Variants in PRDX1 observed in about 807,000 individuals in gnomAD.
PRDX1 encodes peroxiredoxin 1.
Under a neutral mutation model 20.7 loss-of-function variants are expected in PRDX1, and 19 were observed. The ratio of observed to expected loss-of-function variants is 0.92; its 90% CI spans 0.64 to 1.35. The LOEUF is 1.35. Among genes scored for constraint, PRDX1 ranks in the 40% most tolerant of loss-of-function variants. The probability of loss-of-function intolerance (pLI) is 0.00; values close to 1 mark genes in which losing one functional copy is unlikely to be tolerated. For synonymous variants in PRDX1, 89 were observed against 83.9 expected, an observed-to-expected ratio of 1.06 and a Z score of -0.33; for missense variants, 226 against 240.0, an observed-to-expected ratio of 0.94 and a Z score of 0.38.
At chr1:45,514,111 GCAATA>G (rs1643811929) in intron 5 of PRDX1, among the ~76,000 whole-genome samples, 1 of 152,184 alleles carries the variant, frequency 6.6e-6, no homozygotes, top group African/African-American at 2.4e-5. Flanking sequence ...CATGCGGGCA[GCAATA>G]CTGCTCTTTA....
chr1:45,516,462 A>G (rs1458577098), intron 2 of PRDX1, among the ~76,000 whole-genome samples: 1 of 152,182 alleles, frequency 6.6e-6, no homozygotes, highest in Non-Finnish European at 1.5e-5. Context: ...TCTCAAAACA[A>G]CAGAAATATA....
rs1318865639 is a variant in PRDX1, at chr1:45,512,228, G to A, written c.515-814C>T. 4 of 150,856 alleles carry A rather than the reference G, an allele frequency of 2.7e-5. No individual in the cohort carries two copies. The East Asian group carries it at 7.9e-4, about 30-fold the overall frequency. The allele number at this position is 150,856 out of a possible 1,614,324, so 9.3% of individuals were successfully genotyped here. A position where few individuals can be genotyped will look rare whatever the true frequency, so the allele number is the denominator to read the frequency against. On this transcript the variant is annotated intron_variant, in intron 5 of 5. Transcript: ENST00000319248. ...AGCCTCCCAAATAGCTAGGATTACA[G>A]GCGCCCACCACCACACCTGGCTAAT... is the stretch of plus-strand genomic sequence containing the variant.
Position 45,511,276 on chromosome 1 carries a change from G to C in PRDX1, c.*53C>G. ...TAATGGAAAAAAAAAATACAGAAGA[G>C]GTTTTGTTCTCATGGCTGCCCACCG... On this transcript the variant is annotated 3_prime_UTR_variant, in exon 6 of 6. Transcript: ENST00000319248. The C allele has an allele frequency of 1.4e-6, 2 of 1,403,070 alleles. No homozygotes were observed. Among genetic ancestry groups the C allele is most frequent in the Non-Finnish European group, 2.0e-6 (2 of 1,022,958 alleles). The allele number at this position is 1,403,070 out of a possible 1,614,324, so 86.9% of individuals were successfully genotyped here.
intron 1 of PRDX1, among the ~76,000 whole-genome samples, chr1:45,519,428 A>G (rs1334389892): frequency 1.3e-5 from 2 of 152,226 alleles, no homozygotes; most frequent in Non-Finnish European, 2.9e-5. Context: ...CCAAATGCAC[A>G]ATGCCACAAA....
Position 45,513,710 on chromosome 1 carries a change from A to G in PRDX1, c.514+797T>C, listed in dbSNP as rs189387687. Among the ~76,000 whole-genome samples, 65 of 152,364 alleles carry G rather than the reference A, an allele frequency of 4.3e-4. 3 individuals carry two copies. The highest frequency in any genetic ancestry group is 1.5e-3 in the African/African-American group (63 of 41,596). On this transcript the variant is annotated intron_variant, in intron 5 of 5. Transcript: ENST00000319248. ...AAATGGATTAAGGGCTGTGCAAGATATGCTTTGTTAAAACAAATGCTTGAA... is the reference window on the plus strand; with the variant it reads ...AAATGGATTAAGGGCTGTGCAAGATGTGCTTTGTTAAAACAAATGCTTGAA...
intron 5 of PRDX1, 100 bp downstream of exon 5, chr1:45,514,407 T>G: frequency 7.0e-7 from 1 of 1,419,972 alleles, no homozygotes; most frequent in Admixed American, 2.0e-5. Flanking sequence ...TTTTTCCAAG[T>G]CTCTCATTCC....
chr1:45,518,893 T>C, intron 2 of PRDX1, 45 bp downstream of exon 2: 2 of 1,471,980 alleles, frequency 1.4e-6, no homozygotes, highest in South Asian at 1.2e-5. Context: ...ACCCCTAGAA[T>C]ATAAAATAAC....
In PRDX1 at chr1:45,519,011, A is replaced by G; in HGVS notation, c.33T>C (p.Pro11=). 6.2e-7 allele frequency: 1 copy of G among 1,600,212 alleles called. No homozygotes were observed. The highest frequency in any genetic ancestry group is 8.5e-7 in the Non-Finnish European group (1 of 1,175,892). Residue 11 remains proline, a synonymous_variant, in exon 2 of 6, where the codon CCT becomes CCC. Coordinates refer to ENST00000319248, the MANE Select transcript of PRDX1 (RefSeq NM_181697.3). The part of the protein sequence containing the change: MSSGNAKIGH[P]APNFKATAVM... The stretch of plus-strand genomic sequence containing the variant: ...CAGCTGTGGCTTTGAAGTTGGGGGC[A>G]GGGTGCCCAATTTTAGCATTTCCTG...
In PRDX1 at chr1:45,514,490, TCAGA is replaced by T. The variant is rs1172377230; in HGVS notation, c.514+13_514+16del. ...ATACCACCACTCTGTTGTCCTGTTA[TCAGA>T]CAGATGGCTTACCTTCCCCATGTTT... On this transcript the variant is annotated intron_variant, in intron 5 of 5. Transcript: ENST00000319248. 1.9e-6 allele frequency: 3 copies of T among 1,613,968 alleles called. No homozygotes were observed. In the Admixed American group the frequency reaches 5.0e-5, roughly 27 times the overall value.
At chr1:45,511,457 T>TGGTGCATACCATTG in intron 5 of PRDX1, 43 bp from the exon 6 acceptor site, 1 of 1,523,162 alleles carries the variant, frequency 6.6e-7, no homozygotes, top group Non-Finnish European at 9.1e-7. Flanking sequence ...TTCTCAATGG[T>TGGTGCATACCATTG]ATGCACCACC....
chr1:45,518,780 C>T (rs1643882422), intron 2 of PRDX1, among the ~76,000 whole-genome samples, 158 bp downstream of exon 2: 1 of 152,234 alleles, frequency 6.6e-6, no homozygotes, highest in African/African-American at 2.4e-5. Flanking sequence ...CCTGTAATCA[C>T]TTGATAATCA....
At chr1:45,516,412 C>A (rs1643862802) in intron 2 of PRDX1, among the ~76,000 whole-genome samples, 1 of 152,058 alleles carries the variant, frequency 6.6e-6, no homozygotes, top group African/African-American at 2.4e-5. Flanking sequence ...TCCCTTGACC[C>A]CAGGAGTTTG....
rs372758050 is a variant in PRDX1, at chr1:45,514,523, A to G, written c.498T>C (p.Thr166=). The G allele has an allele frequency of 6.8e-6, 11 of 1,614,040 alleles. No homozygotes were observed. The highest frequency in any genetic ancestry group is 6.7e-5 in the African/African-American group (5 of 74,892). ...TLRLVQAFQF[T]DKHGEVCPAG... ...ATGGCTTACCTTCCCCATGTTTGTC[A>G]GTGAACTGGAAGGCCTGAACTAGTC... Residue 166 remains threonine (T), a synonymous_variant, in exon 5 of 6, where the codon ACT becomes ACC. Transcript: ENST00000319248.
chr1:45,519,152 C>T, intron 1 of PRDX1, 98 bp from the exon 2 acceptor site: 2 of 802,752 alleles, frequency 2.5e-6, no homozygotes, highest in East Asian at 2.7e-5. Context: ...ACAATCAAGG[C>T]ATTGTCCAGT....
At chr1:45,518,466 T>TAA (rs1216112716) in intron 2 of PRDX1, among the ~76,000 whole-genome samples, 1 of 15,474 alleles carries the variant, frequency 6.5e-5, no homozygotes, top group African/African-American at 3.8e-4. Flanking sequence ...AAACTCCATC[T>TAA]CAAAAAAAAA....
chr1:45,516,461 A>AGCAAG (rs1198117838), intron 2 of PRDX1, among the ~76,000 whole-genome samples: 1 of 152,128 alleles, frequency 6.6e-6, no homozygotes, highest in African/African-American at 2.4e-5. Flanking sequence ...GTCTCAAAAC[A>AGCAAG]ACAGAAATAT....
At chr1:45,518,825 C>T (rs1643883572) in intron 2 of PRDX1, 113 bp downstream of exon 2, 1 of 959,290 alleles carries the variant, frequency 1.0e-6, no homozygotes, top group Admixed American at 2.7e-5. Context: ...CTAAATACTT[C>T]TTCCTAGGAG....
Position 45,511,391 on chromosome 1 carries a change from C to T in PRDX1, c.538G>A (p.Gly180Ser). The change falls in exon 6 of 6, where the codon GGC becomes AGC. Residue 180 changes from glycine (G) to serine (S), a missense_variant. Coordinates refer to ENST00000319248, the MANE Select transcript of PRDX1 (RefSeq NM_181697.3). ...ACATCAGGCTTGATGGTATCACTGC[C>T]AGGTTTCCAGCCAGCTGGGCACACT... is the stretch of plus-strand genomic sequence containing the variant. ...GEVCPAGWKPGSDTIKPDVQK... is the reference protein window; with the variant it reads ...GEVCPAGWKPSSDTIKPDVQK... The T allele has an allele frequency of 1.2e-6, 2 of 1,613,074 alleles. No homozygotes were observed. The highest frequency in any genetic ancestry group is 1.7e-6 in the Non-Finnish European group (2 of 1,179,584).
At chr1:45,520,661 C>G (rs1306207679) in intron 1 of PRDX1, among the ~76,000 whole-genome samples, 3 of 142,378 alleles carry the variant, frequency 2.1e-5, no homozygotes, top group Non-Finnish European at 3.0e-5. Context: ...GAGGCGGAGG[C>G]TGCAGTGAGC....
Sources: allele counts gnomAD v4.1 joint callset (sites outside exome capture counted in the v4.1 genomes callset), GRCh38; gene constraint gnomAD v4.1.1; transcripts MANE v1.5; gene names NCBI Gene and HGNC (gene_info 2026-07-23, HGNC 2026-07-21).